Variants in AAMDC observed in about 807,000 individuals in gnomAD.
AAMDC encodes mth938 domain-containing protein.
A neutral mutation model predicts 15.5 loss-of-function variants in AAMDC; 16 were observed. That is an observed-to-expected ratio of 1.03 (90% CI 0.70 to 1.57). The LOEUF (loss-of-function observed/expected upper bound fraction) is 1.57, where lower values mean the gene tolerates loss of function less well. AAMDC is among the 40% of genes most tolerant of loss of function. AAMDC has a pLI of 0.00. For missense variants in AAMDC, 141 were observed against 144.9 expected (o/e 0.97, Z 0.14); for synonymous variants, 51 against 51.6 (o/e 0.99, Z 0.05).
At chr11:77,882,828 T>A (rs1951844875) in intron 5 of AAMDC, among the ~76,000 whole-genome samples, 1 of 152,152 alleles carries the variant, frequency 6.6e-6, no homozygotes, top group South Asian at 2.1e-4. Flanking sequence ...CCCACTACTT[T>A]GGGAGGCCAA....
At chr11:77,849,315 G>A (rs538931326) in intron 2 of AAMDC, among the ~76,000 whole-genome samples, 85 of 152,082 alleles carry the variant, frequency 5.6e-4, no homozygotes, top group African/African-American at 1.9e-3. Context: ...TCTGACTCCC[G>A]GGTTCAAGCG....
chr11:77,837,545 C>G (rs1246933298), intron 1 of AAMDC, among the ~76,000 whole-genome samples: 2 of 152,126 alleles, frequency 1.3e-5, no homozygotes, highest in Non-Finnish European at 2.9e-5. Flanking sequence ...ACCTCCACCT[C>G]CTGCCTCAGC....
chr11:77,884,245 T>C (rs1417365669), intron 5 of AAMDC, among the ~76,000 whole-genome samples: 1 of 152,170 alleles, frequency 6.6e-6, no homozygotes, highest in Non-Finnish European at 1.5e-5. Context: ...AAAAGTGTTC[T>C]CAGGCACCTT....
intron 1 of AAMDC, among the ~76,000 whole-genome samples, chr11:77,840,097 A>AAC (rs10547270): frequency 8.5e-4 from 128 of 150,444 alleles, no homozygotes; most frequent in East Asian, 6.5e-3. Flanking sequence ...GGGGACAGTA[A>AAC]ACACACACAC....
intron 2 of AAMDC, among the ~76,000 whole-genome samples, chr11:77,866,878 T>C (rs1002603973): frequency 1.3e-5 from 2 of 152,152 alleles, no homozygotes; most frequent in African/African-American, 4.8e-5. Context: ...TTCGCTCTTG[T>C]TGCCCAGGCT....
At chr11:77,904,570 G>A (rs185886496), downstream of AAMDC, among the ~76,000 whole-genome samples, 1 of 152,304 alleles carries the variant, frequency 6.6e-6, no homozygotes, top group East Asian at 1.9e-4. Flanking sequence ...AACTTTTTGA[G>A]TGCTCAAGAG....
chr11:77,844,319 A>G (rs527576744), intron 2 of AAMDC, among the ~76,000 whole-genome samples: 3 of 152,208 alleles, frequency 2.0e-5, no homozygotes, highest in Admixed American at 6.5e-5. Flanking sequence ...AAGGACACAC[A>G]TATTAAGTCC....
intron 1 of AAMDC, among the ~76,000 whole-genome samples, chr11:77,836,757 G>A (rs892540805): frequency 6.6e-6 from 1 of 152,198 alleles, no homozygotes; most frequent in Non-Finnish European, 1.5e-5. Context: ...CCTGAGGCTG[G>A]GAGTTCGAGA....
At chr11:77,830,153 C>CA (rs1388442067) in intron 1 of AAMDC, 1 of 152,106 alleles carries the variant, frequency 6.6e-6, no homozygotes, top group East Asian at 1.9e-4. Flanking sequence ...AAAAGAAAGT[C>CA]AAAAGACAAC....
chr11:77,832,967 G>C (rs1399606888), intron 1 of AAMDC, among the ~76,000 whole-genome samples: 1 of 49,388 alleles, frequency 2.0e-5, no homozygotes, highest in Non-Finnish European at 3.8e-5. Context: ...GTGTGTGTGT[G>C]TGTGTGTGTG....
At chr11:77,832,623 G>A (rs1181267054) in intron 1 of AAMDC, among the ~76,000 whole-genome samples, 2 of 151,938 alleles carry the variant, frequency 1.3e-5, no homozygotes, top group East Asian at 3.9e-4. Context: ...ACCGCGCCTG[G>A]CCATAGAGGA....
In AAMDC at chr11:77,900,704, T is replaced by C. The variant is rs148447483; in HGVS notation, c.*18T>C. 2,896 of 677,816 alleles carry C rather than the reference T, an allele frequency of 4.3e-3. 10 individuals are homozygous for C. The highest frequency in any genetic ancestry group is 6.8e-3 in the Non-Finnish European group (2,536 of 375,598). The allele number at this position is 677,816 out of a possible 1,614,324, so 42.0% of individuals were successfully genotyped here. On this transcript the variant is annotated 3_prime_UTR_variant, in exon 6 of 6. Transcript: ENST00000304716. Reference sequence around the variant, plus strand: ...TGAAATAGTAAGAAACAAAAAACACTATGGGACACCATCAAAATATCTGAT... The same window carrying C: ...TGAAATAGTAAGAAACAAAAAACACCATGGGACACCATCAAAATATCTGAT...
chr11:77,844,345 T>G (rs1458036855), intron 2 of AAMDC, among the ~76,000 whole-genome samples: 1 of 152,122 alleles, frequency 6.6e-6, no homozygotes, highest in Non-Finnish European at 1.5e-5. Flanking sequence ...AGCAAATTTT[T>G]TTTTACAGTT....
intron 2 of AAMDC, chr11:77,850,978 T>TG (rs1950355603): frequency 7.5e-6 from 1 of 133,968 alleles, no homozygotes; most frequent in South Asian, 2.3e-4. Context: ...TTTTTTGAGA[T>TG]GGAGTCTCGC....
At chr11:77,823,437 A>C (rs1465638667) in intron 1 of AAMDC, among the ~76,000 whole-genome samples, 1 of 151,670 alleles carries the variant, frequency 6.6e-6, no homozygotes, top group East Asian at 1.9e-4. Flanking sequence ...ACTCCAGTTT[A>C]AAAATAATCT....
intron 3 of AAMDC, among the ~76,000 whole-genome samples, chr11:77,870,860 C>T (rs1204635908): frequency 6.6e-6 from 1 of 152,128 alleles, no homozygotes; most frequent in Non-Finnish European, 1.5e-5. Context: ...TAGGTCAGTG[C>T]TATATGTATT....
chr11:77,896,349 A>G (rs568183249), intron 5 of AAMDC, among the ~76,000 whole-genome samples: 4 of 152,312 alleles, frequency 2.6e-5, no homozygotes, highest in South Asian at 2.1e-4. Context: ...AAACTAAAAA[A>G]AGCATATTAA....
downstream of AAMDC, chr11:77,901,238 G>A (rs1210406169): frequency 2.9e-6 from 2 of 701,350 alleles, no homozygotes; most frequent in Non-Finnish European, 5.0e-6. Context: ...GATTTCCAAG[G>A]GTCTAATCTG....
chr11:77,870,036 A>T (rs1462738145), intron 3 of AAMDC: 1 of 373,566 alleles, frequency 2.7e-6, no homozygotes, highest in Non-Finnish European at 4.9e-6. Flanking sequence ...TATTTCTCAG[A>T]ATCCCTCAAG....
Sources: allele counts gnomAD v4.1 joint callset (sites outside exome capture counted in the v4.1 genomes callset), GRCh38; gene constraint gnomAD v4.1.1; transcripts MANE v1.5; gene names NCBI Gene and HGNC (gene_info 2026-07-23, HGNC 2026-07-21).